Variants in SLC7A1 observed in about 807,000 individuals in gnomAD.
SLC7A1 encodes solute carrier family 7 member 1.
SLC7A1 carries 10 observed loss-of-function variants against 53.9 expected under a neutral mutation model. The observed-to-expected ratio is 0.19, with a 90% CI of 0.11 to 0.31. SLC7A1 has a LOEUF of 0.31. SLC7A1 is among the 10% of genes least tolerant of loss of function. The pLI is 1.00. For synonymous variants in SLC7A1, 342 were observed against 338.7 expected, an observed-to-expected ratio of 1.01 and a Z score of -0.11; for missense variants, 525 against 827.2, an observed-to-expected ratio of 0.63 and a Z score of 4.48.
intron 8 of SLC7A1, among the ~76,000 whole-genome samples, chr13:29,521,649 A>G (rs1359245498): frequency 6.6e-6 from 1 of 152,224 alleles, no homozygotes; most frequent in Non-Finnish European, 1.5e-5. Context: ...GACCACAGGT[A>G]CAGTGTGCAC....
chr13:29,565,683 A>G (rs535241275), intron 1 of SLC7A1, among the ~76,000 whole-genome samples: 11 of 152,250 alleles, frequency 7.2e-5, no homozygotes, highest in African/African-American at 2.4e-4. Context: ...ACCACACACA[A>G]AAAGAAGCCT....
At chr13:29,578,220 A>G (rs1284062180) in intron 1 of SLC7A1, among the ~76,000 whole-genome samples, 2 of 151,930 alleles carry the variant, frequency 1.3e-5, no homozygotes, top group Non-Finnish European at 2.9e-5. Context: ...CTGTAGCACA[A>G]CCCTTATCAG....
intron 2 of SLC7A1, among the ~76,000 whole-genome samples, chr13:29,550,535 A>G (rs577296578): frequency 1.3e-5 from 2 of 152,358 alleles, no homozygotes; most frequent in African/African-American, 4.8e-5. Flanking sequence ...TGGGAGATGC[A>G]GGCAGCTGCT....
intron 2 of SLC7A1, among the ~76,000 whole-genome samples, chr13:29,544,718 C>T (rs1220972619): frequency 6.6e-6 from 1 of 152,150 alleles, no homozygotes; most frequent in Non-Finnish European, 1.5e-5. Flanking sequence ...GCCTCCAAAG[C>T]CTTGAACTGC....
At chr13:29,574,420 C>T (rs975055441) in intron 1 of SLC7A1, among the ~76,000 whole-genome samples, 1 of 152,150 alleles carries the variant, frequency 6.6e-6, no homozygotes. Context: ...AACAAGAACA[C>T]GAACTCATCT....
chr13:29,534,116 T>C (rs1462092912), intron 3 of SLC7A1, among the ~76,000 whole-genome samples: 1 of 152,158 alleles, frequency 6.6e-6, no homozygotes, highest in Non-Finnish European at 1.5e-5. Context: ...TCCCAAACCC[T>C]GTCCTGCTCA....
At chr13:29,551,972 G>C (rs1870210916) in intron 2 of SLC7A1, among the ~76,000 whole-genome samples, 1 of 152,128 alleles carries the variant, frequency 6.6e-6, no homozygotes, top group Admixed American at 6.5e-5. Flanking sequence ...GGAACTTGAA[G>C]CTTATGGGCA....
At chr13:29,547,382 G>A (rs574290967) in intron 2 of SLC7A1, among the ~76,000 whole-genome samples, 23 of 152,286 alleles carry the variant, frequency 1.5e-4, no homozygotes, top group African/African-American at 4.8e-4. Context: ...CCGGGGCTTC[G>A]GCGGAAAGTT....
At chr13:29,574,618 G>A (rs552597793) in intron 1 of SLC7A1, among the ~76,000 whole-genome samples, 2 of 149,840 alleles carry the variant, frequency 1.3e-5, no homozygotes, top group African/African-American at 2.5e-5. Context: ...TTAACATTTC[G>A]TAGCACTCAC....
intron 1 of SLC7A1, among the ~76,000 whole-genome samples, chr13:29,562,881 A>G (rs1870820567): frequency 6.6e-6 from 1 of 152,232 alleles, no homozygotes; most frequent in Admixed American, 6.5e-5. Context: ...CCAGCCCTTC[A>G]ATAATTAAAA....
At chr13:29,588,103 C>T (rs1871962549) in intron 1 of SLC7A1, among the ~76,000 whole-genome samples, 1 of 152,164 alleles carries the variant, frequency 6.6e-6, no homozygotes, top group African/African-American at 2.4e-5. Context: ...GGTAGAAAAT[C>T]ACACCTCTTT....
At chr13:29,537,398 A>T (rs1348436101) in intron 2 of SLC7A1, among the ~76,000 whole-genome samples, 1 of 152,238 alleles carries the variant, frequency 6.6e-6, no homozygotes, top group Non-Finnish European at 1.5e-5. Flanking sequence ...GGTTCTGTCA[A>T]GGTCATCAAA....
At chr13:29,594,794 C>T (rs1234967527) in intron 1 of SLC7A1, among the ~76,000 whole-genome samples, 4 of 152,172 alleles carry the variant, frequency 2.6e-5, no homozygotes, top group African/African-American at 9.6e-5. Flanking sequence ...GTCCCGGGTT[C>T]TAGGGACAAG....
intron 1 of SLC7A1, among the ~76,000 whole-genome samples, chr13:29,578,450 G>A (rs1435947169): frequency 1.3e-5 from 2 of 151,790 alleles, no homozygotes; most frequent in African/African-American, 2.4e-5. Flanking sequence ...CCCTGTCATC[G>A]GCAGGATCAC....
chr13:29,566,070 G>GGA (rs1566271570), intron 1 of SLC7A1, among the ~76,000 whole-genome samples: 1 of 152,214 alleles, frequency 6.6e-6, no homozygotes, highest in Non-Finnish European at 1.5e-5. Context: ...CCCAAGAAAA[G>GGA]GATGGCAGCA....
chr13:29,572,473 G>A (rs766935711), intron 1 of SLC7A1, among the ~76,000 whole-genome samples: 3 of 152,188 alleles, frequency 2.0e-5, no homozygotes, highest in Admixed American at 6.5e-5. Flanking sequence ...CTCAGGACCC[G>A]CGGCACCAGG....
At chr13:29,559,624 G>C (rs533326277) in intron 1 of SLC7A1, among the ~76,000 whole-genome samples, 1 of 152,004 alleles carries the variant, frequency 6.6e-6, no homozygotes, top group East Asian at 1.9e-4. Flanking sequence ...GTACACTGAA[G>C]CTACACTAAA....
intron 2 of SLC7A1, among the ~76,000 whole-genome samples, chr13:29,541,400 A>G (rs1869660409): frequency 6.6e-6 from 1 of 152,150 alleles, no homozygotes; most frequent in African/African-American, 2.4e-5. Context: ...AGTGCCTAAG[A>G]CCATCAGAGG....
chr13:29,563,627 G>A (rs1480518638), intron 1 of SLC7A1, among the ~76,000 whole-genome samples: 1 of 152,206 alleles, frequency 6.6e-6, no homozygotes, highest in East Asian at 1.9e-4. Context: ...GAGTGAAACT[G>A]ACAGCTTGTC....
Sources: gnomAD v4.1 joint callset for allele counts (sites outside exome capture counted in the v4.1 genomes callset) on GRCh38, gnomAD v4.1.1 for gene constraint, MANE v1.5 for transcripts, NCBI Gene and HGNC (gene_info 2026-07-23, HGNC 2026-07-21) for gene names.